Variants in SNX14 observed in about 807,000 individuals in gnomAD.
SNX14 encodes sorting nexin 14.
A neutral mutation model predicts 133.8 loss-of-function variants in SNX14; 93 were observed. The ratio of observed to expected loss-of-function variants is 0.70; its 90% confidence interval spans 0.59 to 0.83. The LOEUF is 0.83. Among genes scored for constraint, SNX14 ranks in the 40% least tolerant of loss-of-function variants. SNX14 has a pLI of 0.00. For synonymous variants in SNX14, 368 were observed against 365.6 expected (o/e 1.01, Z -0.07); for missense variants, 945 against 1,094.9 (o/e 0.86, Z 1.93).
At chr6:85,551,152 C>T (rs1232207165) in intron 7 of SNX14, among the ~76,000 whole-genome samples, 1 of 152,142 alleles carries the variant, frequency 6.6e-6, no homozygotes, top group African/African-American at 2.4e-5. Flanking sequence ...TCAAAATATG[C>T]CCTCAGCCCT....
rs1416197541 is a variant in SNX14 at position 85,507,342 on chromosome 6, C to A, written c.2746-53G>T. On this transcript the variant is annotated intron_variant, in intron 27 of 28. Transcript: ENST00000314673. Reference sequence around the variant, plus strand: ...AATGTTAAGGCACTAAACACAAAAACCATAAAAATGATACACACAAAATTA... The same window carrying A: ...AATGTTAAGGCACTAAACACAAAAAACATAAAAATGATACACACAAAATTA... 2.1e-6 allele frequency: 3 copies of A among 1,432,288 alleles called. No homozygotes were observed. In the East Asian group the frequency reaches 6.9e-5, roughly 33 times the overall value. 88.7% of individuals were successfully genotyped at this position (1,432,288 alleles called of 1,614,324 possible).
chr6:85,575,314 T>C (rs948528038), intron 1 of SNX14, among the ~76,000 whole-genome samples: 86 of 152,228 alleles, frequency 5.6e-4, no homozygotes, highest in African/African-American at 2.0e-3. Context: ...CACAGTATTA[T>C]TTATTAACTG....
At position 85,505,711 on chromosome 6, in the gene SNX14, TTC is replaced by T. The variant is rs142200753; in HGVS notation, c.*254_*255del. The T allele has an allele frequency of 3.3e-3, 1,438 of 437,514 alleles. 21 individuals carry two copies. Among genetic ancestry groups the T allele is most frequent in the African/African-American group, 0.028 (1,334 of 48,356 alleles). The allele number at this position is 437,514 out of a possible 1,614,324, so 27.1% of individuals were successfully genotyped here. ...GTTTGCCATAACATCATTATGAATT[TTC>T]TCTTTTAAAAATGGCAATAACAAGT... On this transcript the variant is annotated 3_prime_UTR_variant, in exon 29 of 29. Transcript: ENST00000314673.
intron 6 of SNX14, among the ~76,000 whole-genome samples, chr6:85,563,815 A>G (rs1465318099): frequency 6.6e-6 from 1 of 152,130 alleles, no homozygotes; most frequent in Non-Finnish European, 1.5e-5. Context: ...GTACATGTGC[A>G]CAATGTGCAG....
intron 6 of SNX14, among the ~76,000 whole-genome samples, chr6:85,561,666 C>G (rs937052989): frequency 1.3e-5 from 2 of 152,042 alleles, no homozygotes; most frequent in East Asian, 3.8e-4. Flanking sequence ...GAAAAAAAAT[C>G]AGCATCAGCC....
intron 17 of SNX14, among the ~76,000 whole-genome samples, chr6:85,535,403 G>A (rs1015306600): frequency 2.6e-5 from 4 of 151,802 alleles, no homozygotes; most frequent in African/African-American, 9.7e-5. Context: ...CACGAGGTCA[G>A]GAGTTCAAGA....
intron 6 of SNX14, among the ~76,000 whole-genome samples, chr6:85,560,668 T>C (rs1791243220): frequency 6.6e-6 from 1 of 152,148 alleles, no homozygotes. Context: ...ATTAACAAAC[T>C]ACATACATAT....
chr6:85,562,812 G>T (rs976611836), intron 6 of SNX14, among the ~76,000 whole-genome samples: 8 of 151,818 alleles, frequency 5.3e-5, no homozygotes, highest in African/African-American at 1.9e-4. Flanking sequence ...GGCTGATCTC[G>T]AACTCCCGAC....
At chr6:85,518,073 T>G in intron 21 of SNX14, 25 bp from the exon 22 acceptor site, 1 of 1,576,084 alleles carries the variant, frequency 6.3e-7, no homozygotes. Context: ...AAAACATTAT[T>G]TTAGGAAGGC....
Position 85,526,131 on chromosome 6 carries a change from T to G in SNX14, c.2102A>C (p.Asn701Thr). Residue 701 changes from asparagine (N) to threonine (T), a missense_variant, in exon 21 of 29, where the codon AAT (asparagine) becomes ACT (threonine). Asn to Thr is a moderately conservative substitution (Grantham distance 65). Around this residue, in one of 3 missense-constraint regions of SNX14, gnomAD observed 412 missense variants for 516.6 expected, o/e 0.80. Coordinates refer to ENST00000314673, the MANE Select transcript of SNX14 (RefSeq NM_153816.6). ...GATTCTTTAAATTGACTTACCAAGA[T>G]TTACATCTGGTAGTATCTTATCAAG... ...QFLDKILPDV[N>T]LGKIIKSVPG... The G allele has an allele frequency of 1.3e-6, 2 of 1,562,048 alleles. No individual in the cohort carries two copies. Among genetic ancestry groups the G allele is most frequent in the Non-Finnish European group, 1.7e-6 (2 of 1,148,524 alleles).
In SNX14 at chr6:85,593,438, G is replaced by A. The variant is rs923863955; in HGVS notation, c.140+141C>T. On this transcript the variant is annotated intron_variant, in intron 1 of 28. Transcript: ENST00000314673. ...CTCGACGCTCCGCCGTGCTCCCCGA[G>A]GCCGCTCCTCTGCGGAGCTCGCTCT... 1.3e-5 allele frequency: 17 copies of A among 1,312,760 alleles called. No homozygotes were observed. The South Asian group carries it at 1.8e-4, about 14-fold the overall frequency. 81.3% of individuals were successfully genotyped at this position (1,312,760 alleles called of 1,614,324 possible). A position where few individuals can be genotyped will look rare whatever the true frequency, so the allele number is the denominator to read the frequency against.
chr6:85,574,447 AC>A, intron 1 of SNX14, 69 bp from the exon 2 acceptor site: 1 of 1,172,556 alleles, frequency 8.5e-7, no homozygotes, highest in Non-Finnish European at 1.2e-6. Flanking sequence ...CGCTTCACTG[AC>A]TTAACAAGCA....
intron 26 of SNX14, 57 bp downstream of exon 26, chr6:85,513,743 G>T: frequency 7.8e-7 from 1 of 1,277,382 alleles, no homozygotes; most frequent in South Asian, 1.3e-5. Flanking sequence ...ACTATACATT[G>T]TGACCTCAAC....
intron 1 of SNX14, among the ~76,000 whole-genome samples, chr6:85,578,364 T>C (rs570334451): frequency 6.6e-6 from 1 of 152,132 alleles, no homozygotes; most frequent in South Asian, 2.1e-4. Flanking sequence ...ATGACAAAGG[T>C]AGCATGACAG....
chr6:85,514,190 T>C lies in SNX14; in HGVS notation c.2437A>G (p.Met813Val), dbSNP rs1486766443. The C allele has an allele frequency of 1.2e-6, 2 of 1,613,772 alleles. No individual in the cohort carries two copies. Among genetic ancestry groups the C allele is most frequent in the Non-Finnish European group, 1.7e-6 (2 of 1,179,924 alleles). The change falls in exon 25 of 29, where the codon ATG (methionine) becomes GTG (valine). Residue 813 changes from methionine (M) to valine (V), a missense_variant. Met to Val is a conservative substitution (Grantham distance 21). This residue lies in a region of SNX14 where 412 missense variants were observed against 516.6 expected (regional missense o/e 0.80). Transcript: ENST00000314673. ...TTTTTAAAGAGGATTCGAGTTCCCA[T>C]TAAGAGATGATGAAGCCAGTCAGGA... is the stretch of plus-strand genomic sequence containing the variant. ...QVPDWLHHLLMGTRILFKNTL... is the reference protein window; with the variant it reads ...QVPDWLHHLLVGTRILFKNTL...
intron 12 of SNX14, 104 bp downstream of exon 12, chr6:85,547,008 G>T: frequency 2.5e-4 from 145 of 591,562 alleles, no homozygotes; most frequent in Non-Finnish European, 3.7e-4. Context: ...ATGAAATTTA[G>T]TACAATGATA....
chr6:85,528,427 G>A lies in SNX14; in HGVS notation c.1895-65C>T, dbSNP rs182859238. On this transcript the variant is annotated intron_variant, in intron 19 of 28. Coordinates refer to ENST00000314673, the MANE Select transcript of SNX14 (RefSeq NM_153816.6). ...TACTATTTTTAAAACCTTAAATTAGGTTTTAAAATTTACTATGGCACATTC... is the reference window on the plus strand; with the variant it reads ...TACTATTTTTAAAACCTTAAATTAGATTTTAAAATTTACTATGGCACATTC... 1,812 of 1,298,784 alleles carry A rather than the reference G, an allele frequency of 1.4e-3. 21 individuals are homozygous for A. Among genetic ancestry groups the A allele is most frequent in the Non-Finnish European group, 2.1e-4 (196 of 931,438 alleles). 80.5% of individuals were successfully genotyped at this position (1,298,784 alleles called of 1,614,324 possible).
At chr6:85,556,248 C>G (rs1789725507) in intron 7 of SNX14, among the ~76,000 whole-genome samples, 1 of 151,786 alleles carries the variant, frequency 6.6e-6, no homozygotes, top group Non-Finnish European at 1.5e-5. Flanking sequence ...AGTAAAGTAG[C>G]CTTTACAACA....
intron 7 of SNX14, among the ~76,000 whole-genome samples, chr6:85,551,434 G>A (rs927028479): frequency 6.6e-6 from 1 of 152,102 alleles, no homozygotes; most frequent in African/African-American, 2.4e-5. Context: ...ACCAATCAGG[G>A]CTCACCTAAA....
Sources: allele counts gnomAD v4.1 joint callset (sites outside exome capture counted in the v4.1 genomes callset), GRCh38; gene constraint gnomAD v4.1.1; regional missense constraint gnomAD v4.1.1; transcripts MANE v1.5; gene names NCBI Gene and HGNC (gene_info 2026-07-23, HGNC 2026-07-21).